Variants in TRANK1 observed in about 807,000 individuals in gnomAD.
The protein encoded by TRANK1 is TPR and ankyrin repeat-containing protein 1.
A neutral mutation model predicts 266.0 loss-of-function variants in TRANK1; 198 were observed. The observed-to-expected ratio is 0.74, with a 90% confidence interval of 0.66 to 0.84. TRANK1 has a LOEUF of 0.84. Among genes scored for constraint, TRANK1 ranks in the 40% least tolerant of loss-of-function variants. The probability of loss-of-function intolerance (pLI) is 0.00; values close to 1 mark genes in which losing one functional copy is unlikely to be tolerated. For missense variants in TRANK1, 3,326 were observed against 3,634.6 expected (o/e 0.92, Z 2.18); for synonymous variants, 1,396 against 1,384.1 (o/e 1.01, Z -0.19).
intron 4 of TRANK1, 102 bp downstream of exon 4, chr3:36,899,007 A>G: frequency 7.6e-7 from 1 of 1,307,566 alleles, no homozygotes. Flanking sequence ...ATCAGCCACA[A>G]AGAAACACCC....
intron 1 of TRANK1, among the ~76,000 whole-genome samples, chr3:36,930,484 T>C (rs2080346920): frequency 6.6e-6 from 1 of 152,166 alleles, no homozygotes; most frequent in African/African-American, 2.4e-5. Flanking sequence ...TGTGAGATAA[T>C]AAATTCATGT....
In TRANK1 at chr3:36,889,922, G is replaced by A. The variant is rs1362357861; in HGVS notation, c.814C>T (p.Pro272Ser). Residue 272 changes from proline to serine, a missense_variant, in exon 8 of 24, where the codon CCC becomes TCC. Coordinates refer to ENST00000645898, the MANE Select transcript of TRANK1 (RefSeq NM_001329998.2). Reference protein sequence around the residue: ...HLFRWLMDHKPEWKGRINQKD... With the variant: ...HLFRWLMDHKSEWKGRINQKD... Reference sequence around the variant, plus strand: ...TGGTTAATGCGGCCTTTCCACTCGGGCTTGTGATCCATTAACCACCGGAAA... The same window carrying A: ...TGGTTAATGCGGCCTTTCCACTCGGACTTGTGATCCATTAACCACCGGAAA... The A allele has an allele frequency of 2.0e-6, 3 of 1,537,142 alleles. No individual in the cohort carries two copies. Among genetic ancestry groups the A allele is most frequent in the Admixed American group, 2.0e-5 (1 of 50,968 alleles).
chr3:36,833,358 G>T lies in TRANK1; in HGVS notation c.6225C>A (p.Ala2075=), dbSNP rs371643719. The change falls in exon 22 of 24, where the codon GCC becomes GCA. Residue 2075 remains alanine (A), a synonymous_variant. Transcript: ENST00000645898. ...CCAGGCCCAGAATCTTCTCAGGCTC[G>T]GCCTCACACTGGCTGGCTGCTTCGT... The part of the protein sequence containing the change: ...ALYEAASQCE[A]EPEKILGLAP... 13 of 1,613,646 alleles carry T rather than the reference G, an allele frequency of 8.1e-6. No individual in the cohort carries two copies. Among genetic ancestry groups the T allele is most frequent in the Non-Finnish European group, 1.1e-5 (13 of 1,179,754 alleles).
intron 1 of TRANK1, among the ~76,000 whole-genome samples, chr3:36,932,150 C>A (rs1022486094): frequency 6.6e-6 from 1 of 152,124 alleles, no homozygotes; most frequent in African/African-American, 2.4e-5. Flanking sequence ...GACATGAATC[C>A]ATGAAAATTA....
At chr3:36,861,768 C>T (rs1386386060) in intron 10 of TRANK1, among the ~76,000 whole-genome samples, 1 of 147,744 alleles carries the variant, frequency 6.8e-6, no homozygotes. Context: ...TACAGTGGCG[C>T]GATCTCGGCT....
Position 36,936,079 on chromosome 3 carries a change from G to A in TRANK1, c.23+8708C>T, listed in dbSNP as rs1009723737. The stretch of plus-strand genomic sequence containing the variant: ...TCAGCAAACAAGGTAACATATCCCC[G>A]TGAGCAATTCTAGTCCTGGAGATTC... On this transcript the variant is annotated intron_variant, in intron 1 of 23. Coordinates refer to ENST00000645898, the MANE Select transcript of TRANK1 (RefSeq NM_001329998.2). Among the ~76,000 whole-genome samples, 8 of 152,166 alleles carry A rather than the reference G, an allele frequency of 5.3e-5. No homozygotes were observed. In the East Asian group the frequency reaches 7.7e-4, roughly 15 times the overall value.
chr3:36,934,408 A>G (rs2125666364), intron 1 of TRANK1, among the ~76,000 whole-genome samples: 2 of 152,316 alleles, frequency 1.3e-5, no homozygotes, highest in South Asian at 4.1e-4. Context: ...TTCCTTGGTT[A>G]CTAAGCACCC....
chr3:36,931,838 T>C (rs2080364622), intron 1 of TRANK1, among the ~76,000 whole-genome samples: 1 of 152,080 alleles, frequency 6.6e-6, no homozygotes, highest in Non-Finnish European at 1.5e-5. Context: ...CACTTAAGTT[T>C]AGGAGTTTGA....
chr3:36,913,080 C>T (rs900563851), intron 1 of TRANK1, among the ~76,000 whole-genome samples: 1 of 150,524 alleles, frequency 6.6e-6, no homozygotes, highest in African/African-American at 2.5e-5. Context: ...CTCACTCTGT[C>T]ACCCAGGCTG....
Position 36,831,740 on chromosome 3 carries a change from C to T in TRANK1, c.7843G>A (p.Val2615Met). ...TTGACTGCCACCAAGACCCGCTTCA[C>T]CACCTTCAGGAGCCTCTCGGGAACC... ...GQVPERLLKV[V>M]KRVLVAVNVK... The change falls in exon 22 of 24, where the codon GTG becomes ATG. Residue 2615 changes from valine to methionine, a missense_variant. By Grantham distance (21) the Val-to-Met change is conservative. Coordinates refer to ENST00000645898, the MANE Select transcript of TRANK1 (RefSeq NM_001329998.2). The surrounding 1 kb of genome is among the most constrained non-coding windows in gnomAD (Gnocchi z 5.0). The T allele has an allele frequency of 1.2e-6, 2 of 1,614,016 alleles. No homozygotes were observed. The highest frequency in any genetic ancestry group is 1.7e-6 in the Non-Finnish European group (2 of 1,179,892).
intron 1 of TRANK1, among the ~76,000 whole-genome samples, chr3:36,913,046 G>GTGTGTGTA: frequency 6.6e-6 from 1 of 151,732 alleles, no homozygotes. Flanking sequence ...GTGTGTGTGT[G>GTGTGTGTA]TGTGTGTGTG....
chr3:36,937,107 T>C (rs140146875), intron 1 of TRANK1, among the ~76,000 whole-genome samples: 268 of 152,148 alleles, frequency 1.8e-3, no homozygotes, highest in African/African-American at 5.9e-3. Context: ...AAAAAATATA[T>C]AAATAAATAA....
intron 18 of TRANK1, among the ~76,000 whole-genome samples, chr3:36,842,240 AATCAAATGAAAG>A (rs1245538454): frequency 1.2e-4 from 18 of 152,286 alleles, no homozygotes; most frequent in Non-Finnish European, 1.6e-4. Flanking sequence ...ATTTGAAAAA[AATCAAATGAAAG>A]ATCAAATGAA....
rs1469967463 is a variant in TRANK1, at chr3:36,908,453, T to G, written c.25A>C (p.Met9Leu). 2 of 1,232,072 alleles carry G rather than the reference T, an allele frequency of 1.6e-6. No individual in the cohort carries two copies. Among genetic ancestry groups the G allele is most frequent in the Non-Finnish European group, 2.0e-6 (2 of 987,998 alleles). 76.3% of individuals were successfully genotyped at this position (1,232,072 alleles called of 1,614,324 possible). The change falls in exon 2 of 24, where the codon ATG becomes CTG. Residue 9 changes from methionine (M) to leucine (L), a missense_variant and splice_region_variant. Physicochemically the swap from Met to Leu is conservative, Grantham distance 15 (BLOSUM62 2). Transcript: ENST00000645898. MWDPRAAR[M>L]DLTAYAELLK... ...AGCTCAGCGTAAGCTGTCAGGTCCA[T>G]CCTGTGAGGAGACGGGGGAGACGCT... is the stretch of plus-strand genomic sequence containing the variant.
intron 18 of TRANK1, among the ~76,000 whole-genome samples, chr3:36,840,997 C>A (rs762419168): frequency 3.9e-5 from 6 of 152,196 alleles, no homozygotes; most frequent in Non-Finnish European, 7.4e-5. Flanking sequence ...TTCCCTGAAA[C>A]AATAGACAAA....
chr3:36,847,324 A>G lies in TRANK1; in HGVS notation c.4910T>C (p.Ile1637Thr), dbSNP rs1559423916. 2 of 1,613,660 alleles carry G rather than the reference A, an allele frequency of 1.2e-6. No individual in the cohort carries two copies. The highest frequency in any genetic ancestry group is 2.2e-5 in the East Asian group (1 of 44,876). ...AGTTGAGGTAGGTGTGAATGAGGAA[A>G]TGATCTTCCATTCCTTATAAGCCTG... ...DSEAYKEWKIISSFTPTSTDS... is the reference protein window; with the variant it reads ...DSEAYKEWKITSSFTPTSTDS... The change falls in exon 16 of 24, where the codon ATT becomes ACT. Residue 1637 changes from isoleucine to threonine, a missense_variant. Physicochemically the swap from Ile to Thr is moderately conservative, Grantham distance 89 (BLOSUM62 -1). Transcript: ENST00000645898.
Position 36,895,669 on chromosome 3 carries a change from C to T in TRANK1, c.523G>A (p.Glu175Lys), listed in dbSNP as rs1349925650. The T allele has an allele frequency of 4.6e-6, 7 of 1,535,996 alleles. No homozygotes were observed. In the Admixed American group the frequency reaches 1.4e-4, roughly 30 times the overall value. ...FPTEVWQSVIEKLAKKGLWHS... is the reference protein window; with the variant it reads ...FPTEVWQSVIKKLAKKGLWHS... ...CATAATCCTTTCTTTGCCAACTTTT[C>T]TATTACAGATTGCCACACTTCTGTT... is the stretch of plus-strand genomic sequence containing the variant. Residue 175 changes from glutamate (E) to lysine (K), a missense_variant, in exon 5 of 24, where the codon GAA becomes AAA. Coordinates refer to ENST00000645898, the MANE Select transcript of TRANK1 (RefSeq NM_001329998.2).
At chr3:36,854,350 ACT>A (rs1195726192) in intron 13 of TRANK1, among the ~76,000 whole-genome samples, 1 of 147,532 alleles carries the variant, frequency 6.8e-6, no homozygotes, top group Non-Finnish European at 1.5e-5. Context: ...ACAGAGCAAG[ACT>A]CTATCTGAAA....
intron 15 of TRANK1, chr3:36,850,391 AT>A: frequency 2.0e-6 from 2 of 985,440 alleles, no homozygotes; most frequent in Non-Finnish European, 2.4e-6. Context: ...ATGGAAAGAG[AT>A]TTAGAACTCA....
Sources: allele counts gnomAD v4.1 joint callset (sites outside exome capture counted in the v4.1 genomes callset), GRCh38; gene constraint gnomAD v4.1.1; non-coding constraint Gnocchi (gnomAD v3.1); transcripts MANE v1.5; gene names NCBI Gene and HGNC (gene_info 2026-07-23, HGNC 2026-07-21).